PDGFD: variants seen among roughly 807,000 people sequenced by gnomAD.
The protein encoded by PDGFD is platelet-derived growth factor D.
In PDGFD, 30 loss-of-function variants were observed where a neutral mutation model predicts 44.7. The observed-to-expected ratio is 0.67, with a 90% CI of 0.50 to 0.91. PDGFD has a LOEUF of 0.91. PDGFD is among the 40% of genes least tolerant of loss of function. The probability of loss-of-function intolerance (pLI) is 0.00; values close to 1 mark genes in which losing one functional copy is unlikely to be tolerated. For synonymous variants in PDGFD, 173 were observed against 168.4 expected (o/e 1.03, Z -0.21); for missense variants, 445 against 457.8 (o/e 0.97, Z 0.25).
intron 1 of PDGFD, among the ~76,000 whole-genome samples, chr11:104,136,329 C>T (rs1206997968): frequency 6.6e-6 from 1 of 152,156 alleles, no homozygotes; most frequent in African/African-American, 2.4e-5. Flanking sequence ...TCCAGTTAAA[C>T]ATGACAGATT....
intron 3 of PDGFD, among the ~76,000 whole-genome samples, chr11:103,960,925 C>T (rs548310744): frequency 1.1e-4 from 17 of 152,212 alleles, no homozygotes; most frequent in African/African-American, 3.1e-4. Context: ...ATGGCTCCAC[C>T]TTCATGTCTT....
intron 1 of PDGFD, among the ~76,000 whole-genome samples, chr11:104,087,535 T>A (rs1861149625): frequency 6.6e-6 from 1 of 152,142 alleles, no homozygotes; most frequent in Non-Finnish European, 1.5e-5. Context: ...TTTATTCATC[T>A]TTTCAGTATA....
chr11:103,941,382 A>C (rs1455407454), intron 5 of PDGFD, among the ~76,000 whole-genome samples: 1 of 152,084 alleles, frequency 6.6e-6, no homozygotes, highest in African/African-American at 2.4e-5. Context: ...AGTGCTCCTA[A>C]CTTTACCAGG....
intron 1 of PDGFD, among the ~76,000 whole-genome samples, chr11:104,139,155 A>T (rs535841199): frequency 1.2e-4 from 19 of 152,250 alleles, no homozygotes; most frequent in African/African-American, 4.6e-4. Context: ...CATTTATCTG[A>T]TCTAGCAATA....
At chr11:104,104,904 TAC>T (rs34854956) in intron 1 of PDGFD, among the ~76,000 whole-genome samples, 34,170 of 152,022 alleles carry the variant, frequency 0.22, 4,161 homozygotes, top group Middle Eastern at 0.45. Context: ...TATGCAAATT[TAC>T]ATATATCTAT....
chr11:103,971,653 AT>A (rs1321182033), intron 3 of PDGFD, among the ~76,000 whole-genome samples: 3 of 152,214 alleles, frequency 2.0e-5, no homozygotes, highest in Non-Finnish European at 4.4e-5. Flanking sequence ...TAGCAAATTT[AT>A]TATAGATTTC....
intron 1 of PDGFD, among the ~76,000 whole-genome samples, chr11:104,096,398 C>A (rs1043533297): frequency 6.6e-6 from 1 of 152,046 alleles, no homozygotes; most frequent in Non-Finnish European, 1.5e-5. Context: ...AGTATTAATG[C>A]AAAATAAGAG....
chr11:104,036,465 A>C, intron 1 of PDGFD: 1 of 233,962 alleles, frequency 4.3e-6, no homozygotes, highest in Non-Finnish European at 8.5e-6. Flanking sequence ...TGTTGAAATC[A>C]TTTCTTTCAT....
chr11:103,939,180 C>T (rs1477938149), intron 5 of PDGFD, among the ~76,000 whole-genome samples: 3 of 152,132 alleles, frequency 2.0e-5, no homozygotes, highest in Non-Finnish European at 4.4e-5. Context: ...ATTATTCCTA[C>T]CCATGAGCAT....
chr11:103,982,242 G>A (rs1030030145), intron 3 of PDGFD, among the ~76,000 whole-genome samples: 4 of 151,720 alleles, frequency 2.6e-5, no homozygotes, highest in Non-Finnish European at 4.4e-5. Flanking sequence ...TTTATATACT[G>A]TCACTTAATA....
At chr11:104,143,645 T>TTGAGA (rs1394444491) in intron 1 of PDGFD, among the ~76,000 whole-genome samples, 2 of 152,168 alleles carry the variant, frequency 1.3e-5, no homozygotes, top group Non-Finnish European at 2.9e-5. Flanking sequence ...TCTACTAGCC[T>TTGAGA]TGAGAGTCTC....
chr11:103,996,921 C>T (rs1480351981), intron 2 of PDGFD, among the ~76,000 whole-genome samples: 1 of 152,162 alleles, frequency 6.6e-6, no homozygotes, highest in Non-Finnish European at 1.5e-5. Flanking sequence ...ACCATAAGTT[C>T]ACCTCTGGCA....
At chr11:104,021,866 A>T (rs1188960464) in intron 1 of PDGFD, among the ~76,000 whole-genome samples, 2 of 152,094 alleles carry the variant, frequency 1.3e-5, no homozygotes, top group African/African-American at 4.8e-5. Context: ...GAATACTAAC[A>T]CCTTGGGTAC....
chr11:103,915,801 A>C (rs12146664), intron 6 of PDGFD, among the ~76,000 whole-genome samples: 69,565 of 151,910 alleles, frequency 0.46, 16,036 homozygotes, highest in South Asian at 0.49. Flanking sequence ...ATCTACATCC[A>C]TCTGATCTTT....
chr11:104,047,154 G>T lies in PDGFD; in HGVS notation c.125-46899C>A, dbSNP rs1360741654. Among the ~76,000 whole-genome samples the T allele has an allele frequency of 2.0e-5, 3 of 147,150 alleles. 1 individual carries two copies. The highest frequency in any genetic ancestry group is 4.6e-5 in the Non-Finnish European group (3 of 65,870). ...CCAGTCTATCATTGATGGGCATTTG[G>T]GTTGGTTCCAAGTTTTTGCCATTGT... On this transcript the variant is annotated intron_variant, in intron 1 of 6. Transcript: ENST00000393158.
chr11:103,988,643 G>A (rs891350402), intron 3 of PDGFD, among the ~76,000 whole-genome samples: 9 of 152,070 alleles, frequency 5.9e-5, no homozygotes, highest in South Asian at 2.1e-4. Flanking sequence ...GCACAACTTC[G>A]GATATATTTA....
intron 5 of PDGFD, among the ~76,000 whole-genome samples, chr11:103,936,184 A>G (rs2134317300): frequency 6.6e-6 from 1 of 152,322 alleles, no homozygotes; most frequent in South Asian, 2.1e-4. Context: ...TCTATTATCT[A>G]CTGATGTCAC....
rs148028325 is a variant in PDGFD at position 104,070,922 on chromosome 11, C to T, written c.125-70667G>A. On this transcript the variant is annotated intron_variant, in intron 1 of 6. Coordinates refer to ENST00000393158, the MANE Select transcript of PDGFD (RefSeq NM_025208.5). The stretch of plus-strand genomic sequence containing the variant: ...GAATAAATTTCTGACAAACAGACTG[C>T]GGTGTAAAAAGGTAAATGCCTATGT... Among the ~76,000 whole-genome samples, 247 of 152,094 alleles carry T rather than the reference C, an allele frequency of 1.6e-3. 4 individuals are homozygous for T. Among genetic ancestry groups the T allele is most frequent in the South Asian group, 4.2e-4 (2 of 4,818 alleles).
intron 1 of PDGFD, among the ~76,000 whole-genome samples, chr11:104,024,270 C>G (rs899404527): frequency 2.0e-5 from 3 of 151,520 alleles, no homozygotes; most frequent in African/African-American, 7.3e-5. Context: ...TATGAAGGTA[C>G]CATGCAAAAA....
Sources: gnomAD v4.1 joint callset for allele counts (sites outside exome capture counted in the v4.1 genomes callset) on GRCh38, gnomAD v4.1.1 for gene constraint, MANE v1.5 for transcripts, NCBI Gene and HGNC (gene_info 2026-07-23, HGNC 2026-07-21) for gene names.